Variants in RNF168 observed in about 807,000 individuals in gnomAD.
RNF168 encodes the protein E3 ubiquitin-protein ligase RNF168.
A neutral mutation model predicts 34.9 loss-of-function variants in RNF168; 34 were observed. That is an observed-to-expected ratio of 0.97 (90% CI 0.74 to 1.30). The LOEUF (loss-of-function observed/expected upper bound fraction) is 1.30, where lower values mean the gene tolerates loss of function less well. RNF168 is among the 50% of genes most tolerant of loss of function. RNF168 has a pLI of 0.00. For synonymous variants in RNF168, 264 were observed against 254.7 expected (o/e 1.04, Z -0.35); for missense variants, 725 against 682.5 (o/e 1.06, Z -0.69).
At chr3:196,496,516 A>G (rs1347462438) in intron 1 of RNF168, among the ~76,000 whole-genome samples, 1 of 152,196 alleles carries the variant, frequency 6.6e-6, no homozygotes, top group Non-Finnish European at 1.5e-5. Context: ...GCCCATTCTA[A>G]TGACCTTATT....
chr3:196,498,917 C>T (rs1471722871), intron 1 of RNF168, among the ~76,000 whole-genome samples: 5 of 151,904 alleles, frequency 3.3e-5, no homozygotes, highest in African/African-American at 1.2e-4. Flanking sequence ...ATCACTTGAA[C>T]CCAGGAGACG....
chr3:196,486,708 G>A (rs577436290), intron 3 of RNF168, among the ~76,000 whole-genome samples: 33 of 152,330 alleles, frequency 2.2e-4, no homozygotes, highest in Non-Finnish European at 4.0e-4. Flanking sequence ...GAAAAGGAAC[G>A]GGAGTGGAGA....
chr3:196,472,640 G>A lies in RNF168; in HGVS notation c.895C>T (p.Pro299Ser). Residue 299 changes from proline to serine, a missense_variant, in exon 6 of 6, where the codon CCA (proline) becomes TCA (serine). By Grantham distance (74) the Pro-to-Ser change is moderately conservative. Coordinates refer to ENST00000318037, the MANE Select transcript of RNF168 (RefSeq NM_152617.4). ...TCGGCACCACAGGCACATAACCATG[G>A]CATAGGGGACTCTATTGAAGAATCT... ...GADSSIESPMPWLCACGAEWY... is the reference protein window; with the variant it reads ...GADSSIESPMSWLCACGAEWY... The A allele has an allele frequency of 6.2e-7, 1 of 1,612,200 alleles. No homozygotes were observed. The highest frequency in any genetic ancestry group is 8.5e-7 in the Non-Finnish European group (1 of 1,178,388).
chr3:196,492,795 A>C (rs1732627758), intron 1 of RNF168, among the ~76,000 whole-genome samples: 1 of 151,508 alleles, frequency 6.6e-6, no homozygotes, highest in Non-Finnish European at 1.5e-5. Flanking sequence ...TAAATAAATA[A>C]ATAAATAAAA....
intron 1 of RNF168, among the ~76,000 whole-genome samples, chr3:196,501,062 T>C (rs1732873025): frequency 6.6e-6 from 1 of 152,306 alleles, no homozygotes; most frequent in South Asian, 2.1e-4. Context: ...TGTACTAGCA[T>C]GGCACGGAAA....
Position 196,475,271 on chromosome 3 carries a change from G to C in RNF168, c.722C>G (p.Ser241Cys), listed in dbSNP as rs760805791. 1 of 1,611,552 alleles carries C rather than the reference G, an allele frequency of 6.2e-7. No homozygotes were observed. The highest frequency in any genetic ancestry group is 8.5e-7 in the Non-Finnish European group (1 of 1,177,644). The change falls in exon 5 of 6, where the codon TCT becomes TGT. Residue 241 changes from serine to cysteine, a missense_variant. Ser to Cys is a moderately radical substitution (Grantham distance 112). Coordinates refer to ENST00000318037, the MANE Select transcript of RNF168 (RefSeq NM_152617.4). Reference sequence around the variant, plus strand: ...TTTCCTGACTTCTTGTACAGCTTCAGAGTGTGAGGCTGACCCAAACTGAGA... The same window carrying C: ...TTTCCTGACTTCTTGTACAGCTTCACAGTGTGAGGCTGACCCAAACTGAGA... ...PKSQFGSASH[S>C]EAVQEVRKDS...
In RNF168 at chr3:196,503,078, G is replaced by C; in HGVS notation, c.96C>G (p.Asn32Lys). Residue 32 changes from asparagine to lysine, a missense_variant, in exon 1 of 6, where the codon AAC becomes AAG. Asn to Lys is a moderately conservative substitution (Grantham distance 94). Transcript: ENST00000318037. ...GGAAGCACGGTTTACACAGCGTGTG[G>C]TTACACGGGAGGGTGACGGGCTCCA... The part of the protein sequence containing the change: ...ILVEPVTLPC[N>K]HTLCKPCFQS... The C allele has an allele frequency of 6.2e-7, 1 of 1,614,142 alleles. No individual in the cohort carries two copies. Among genetic ancestry groups the C allele is most frequent in the Non-Finnish European group, 8.5e-7 (1 of 1,180,016 alleles).
intron 1 of RNF168, among the ~76,000 whole-genome samples, chr3:196,495,191 G>A (rs1374864721): frequency 1.3e-5 from 2 of 151,982 alleles, no homozygotes; most frequent in Non-Finnish European, 2.9e-5. Context: ...GTGTGTGTGT[G>A]TATTTTCTGA....
intron 4 of RNF168, among the ~76,000 whole-genome samples, chr3:196,476,763 T>A (rs1732159769): frequency 6.6e-6 from 1 of 151,394 alleles, no homozygotes; most frequent in African/African-American, 2.4e-5. Context: ...CTTTCTTTTT[T>A]TTTGAGACAG....
At chr3:196,495,346 G>A (rs143412205) in intron 1 of RNF168, among the ~76,000 whole-genome samples, 7 of 152,134 alleles carry the variant, frequency 4.6e-5, no homozygotes, top group African/African-American at 1.7e-4. Flanking sequence ...TCATATCAAT[G>A]ATAAAAATTT....
At position 196,472,353 on chromosome 3, in the gene RNF168, G is replaced by A. The variant is rs1732028982; in HGVS notation, c.1182C>T (p.Ser394=). The A allele has an allele frequency of 6.2e-7, 1 of 1,613,924 alleles. No individual in the cohort carries two copies. The change falls in exon 6 of 6, where the codon TCC becomes TCT. Residue 394 remains serine, a synonymous_variant. Transcript: ENST00000318037. ...AGCATGGATCCTTGACTGCTTCAAA[G>A]GAAGATTCTTGGTTTTTTCTTTTGG... ...EISKRKNQES[S]FEAVKDPCFS...
intron 1 of RNF168, among the ~76,000 whole-genome samples, chr3:196,495,567 T>TA (rs1292583262): frequency 2.6e-5 from 4 of 152,230 alleles, no homozygotes; most frequent in Non-Finnish European, 5.9e-5. Flanking sequence ...TTCTCACAGT[T>TA]AGATTCAGGT....
intron 3 of RNF168, among the ~76,000 whole-genome samples, chr3:196,484,112 C>A (rs1400367466): frequency 1.3e-5 from 2 of 151,270 alleles, no homozygotes; most frequent in Non-Finnish European, 1.5e-5. Flanking sequence ...GTACATCAAG[C>A]ACAAAATAAG....
intron 1 of RNF168, among the ~76,000 whole-genome samples, chr3:196,493,471 TAGCCTCCTGA>T (rs1732644845): frequency 6.6e-6 from 1 of 151,992 alleles, no homozygotes; most frequent in Non-Finnish European, 1.5e-5. Flanking sequence ...TCTCCTGCCC[TAGCCTCCTGA>T]AGCACTGGGA....
Position 196,503,317 on chromosome 3 carries a change from T to A in RNF168, c.-144A>T, listed in dbSNP as rs1732951711. 1.3e-6 allele frequency: 1 copy of A among 754,154 alleles called. No individual in the cohort carries two copies. The highest frequency in any genetic ancestry group is 1.8e-5 in the African/African-American group (1 of 57,086). 46.7% of individuals were successfully genotyped at this position (754,154 alleles called of 1,614,324 possible). A position where few individuals can be genotyped will look rare whatever the true frequency, so the allele number is the denominator to read the frequency against. On this transcript the variant is annotated 5_prime_UTR_variant, in exon 1 of 6. It removes an upstream start codon present in the reference 5' UTR. Coordinates refer to ENST00000318037, the MANE Select transcript of RNF168 (RefSeq NM_152617.4). ...TATCAGAATTCGGAGAACAGGAGCA[T>A]CCAACACGTCTTGAAGCAAAAAGGC... is the stretch of plus-strand genomic sequence containing the variant.
chr3:196,484,473 C>CT (rs377178675), intron 3 of RNF168, among the ~76,000 whole-genome samples: 1,993 of 97,366 alleles, frequency 0.02, 105 homozygotes, highest in Non-Finnish European at 0.031. Flanking sequence ...CGCGCCCGGC[C>CT]TTTTTTTTTT....
At chr3:196,502,358 G>A (rs1000948858) in intron 1 of RNF168, among the ~76,000 whole-genome samples, 1 of 152,092 alleles carries the variant, frequency 6.6e-6, no homozygotes, top group Non-Finnish European at 1.5e-5. Context: ...AGGCCGAGGC[G>A]GGCGGATCCC....
rs1270608733 is a variant in RNF168, at chr3:196,472,572, A to G, written c.963T>C (p.His321=). ...GACTTAAGACACATAACTCTTTCCC[A>G]TGATTGCTTGGTCTTGTTTTGACGT... ...EGNVKTRPSN[H]GKELCVLSHE... The change falls in exon 6 of 6, where the codon CAT becomes CAC. Residue 321 remains histidine (H), a synonymous_variant. Coordinates refer to ENST00000318037, the MANE Select transcript of RNF168 (RefSeq NM_152617.4). 8.1e-6 allele frequency: 13 copies of G among 1,614,114 alleles called. No individual in the cohort carries two copies. The highest frequency in any genetic ancestry group is 1.1e-5 in the Non-Finnish European group (13 of 1,180,052).
At position 196,469,147 on chromosome 3, in the gene RNF168, T is replaced by A. The variant is rs757187390; in HGVS notation, c.*2672A>T. On this transcript the variant is annotated 3_prime_UTR_variant, in exon 6 of 6. Coordinates refer to ENST00000318037, the MANE Select transcript of RNF168 (RefSeq NM_152617.4). ...TTCCAGGAAGATTAAATAGATAACG[T>A]TTAATTTGAGGCATTCAAGAATGTC... 23 of 152,290 alleles carry A rather than the reference T, an allele frequency of 1.5e-4. No individual in the cohort carries two copies. Among genetic ancestry groups the A allele is most frequent in the African/African-American group, 4.3e-4 (18 of 41,560 alleles). 9.4% of individuals were successfully genotyped at this position (152,290 alleles called of 1,614,324 possible). A position where few individuals can be genotyped will look rare whatever the true frequency, so the allele number is the denominator to read the frequency against.
Sources: allele counts gnomAD v4.1 joint callset (sites outside exome capture counted in the v4.1 genomes callset), GRCh38; gene constraint gnomAD v4.1.1; transcripts MANE v1.5; gene names NCBI Gene and HGNC (gene_info 2026-07-23, HGNC 2026-07-21).